PTPRD: variants seen among roughly 807,000 people sequenced by gnomAD.
The protein encoded by PTPRD is protein tyrosine phosphatase receptor type D, also known as receptor-type tyrosine-protein phosphatase delta.
Under a neutral mutation model 214.5 loss-of-function variants are expected in PTPRD, and 34 were observed. The ratio of observed to expected loss-of-function variants is 0.16; its 90% CI spans 0.12 to 0.21. PTPRD has a LOEUF of 0.21. PTPRD is among the 10% of genes least tolerant of loss of function. PTPRD has a pLI of 1.00. For missense variants in PTPRD, 2,545 were observed against 2,398.7 expected (o/e 1.06, Z -1.27); for synonymous variants, 1,128 against 845.7 (o/e 1.33, Z -5.79).
chr9:9,537,232 C>A (rs1403019134), intron 8 of PTPRD, among the ~76,000 whole-genome samples: 1 of 151,802 alleles, frequency 6.6e-6, no homozygotes, highest in African/African-American at 2.4e-5. Context: ...AAATAAGATT[C>A]TTTTCATTTT....
intron 44 of PTPRD, among the ~76,000 whole-genome samples, chr9:8,329,512 A>AGAGT (rs988880705): frequency 2.6e-5 from 4 of 152,052 alleles, no homozygotes; most frequent in Non-Finnish European, 4.4e-5. Context: ...ACTTGAGGAG[A>AGAGT]GAGTCTGTCC....
chr9:8,414,599 C>T (rs10977064), intron 35 of PTPRD, among the ~76,000 whole-genome samples: 25,889 of 151,636 alleles, frequency 0.17, 2,614 homozygotes, highest in Non-Finnish European at 0.22. Context: ...ATAAATATTC[C>T]AGAATGGAGC....
At chr9:10,178,596 A>G (rs1158268202) in intron 3 of PTPRD, among the ~76,000 whole-genome samples, 2 of 152,138 alleles carry the variant, frequency 1.3e-5, no homozygotes, top group East Asian at 1.9e-4. Context: ...AGAACAAACT[A>G]TTAAGTTGGA....
chr9:8,730,202 G>C (rs1004104640), intron 12 of PTPRD, among the ~76,000 whole-genome samples: 1 of 152,138 alleles, frequency 6.6e-6, no homozygotes, highest in African/African-American at 2.4e-5. Context: ...CTTGCACTGA[G>C]CCGAGATCGC....
chr9:9,682,326 A>G (rs1373157655), intron 7 of PTPRD, among the ~76,000 whole-genome samples: 1 of 151,664 alleles, frequency 6.6e-6, no homozygotes, highest in African/African-American at 2.4e-5. Flanking sequence ...CCAAAGATAC[A>G]CTATATTTTT....
At chr9:9,874,617 T>C (rs556300147) in intron 5 of PTPRD, among the ~76,000 whole-genome samples, 1 of 152,316 alleles carries the variant, frequency 6.6e-6, no homozygotes, top group Admixed American at 6.5e-5. Context: ...CCTCGTTCTC[T>C]TTTATCTCAA....
At chr9:9,627,966 C>T (rs2154357298) in intron 7 of PTPRD, among the ~76,000 whole-genome samples, 1 of 151,916 alleles carries the variant, frequency 6.6e-6, no homozygotes, top group East Asian at 1.9e-4. Flanking sequence ...TTAAGTGGCA[C>T]ATCAATGTAT....
chr9:9,298,906 T>C (rs1462631652), intron 9 of PTPRD, among the ~76,000 whole-genome samples: 1 of 151,838 alleles, frequency 6.6e-6, no homozygotes, highest in Non-Finnish European at 1.5e-5. Flanking sequence ...TTAAAAATGT[T>C]TCCATCACAA....
chr9:10,545,697 C>T (rs2060030687), intron 2 of PTPRD, among the ~76,000 whole-genome samples: 1 of 152,168 alleles, frequency 6.6e-6, no homozygotes, highest in East Asian at 1.9e-4. Flanking sequence ...AAAGGAAAAA[C>T]AGTTCTGTTG....
chr9:9,179,503 A>G (rs1205431995), intron 10 of PTPRD, among the ~76,000 whole-genome samples: 1 of 152,146 alleles, frequency 6.6e-6, no homozygotes, highest in Non-Finnish European at 1.5e-5. Context: ...GCTACGAACC[A>G]CTAGCTGAAG....
At chr9:10,081,844 G>T (rs910015544) in intron 3 of PTPRD, among the ~76,000 whole-genome samples, 1 of 152,032 alleles carries the variant, frequency 6.6e-6, no homozygotes, top group Non-Finnish European at 1.5e-5. Flanking sequence ...GAAAATAGCT[G>T]AGTGCTTATT....
intron 15 of PTPRD, 160 bp downstream of exon 15, chr9:8,528,431 C>T (rs748060864): frequency 1.4e-6 from 1 of 704,420 alleles, no homozygotes; most frequent in Non-Finnish European, 2.5e-6. Flanking sequence ...CAGGCTATGA[C>T]ATCACAAACA....
chr9:10,080,290 A>G (rs753610849), intron 3 of PTPRD, among the ~76,000 whole-genome samples: 1 of 152,102 alleles, frequency 6.6e-6, no homozygotes, highest in Middle Eastern at 3.2e-3. Flanking sequence ...CCAAAATAGA[A>G]ATAGAAATAA....
chr9:10,286,077 G>GT (rs879367480), intron 3 of PTPRD, among the ~76,000 whole-genome samples: 1 of 152,064 alleles, frequency 6.6e-6, no homozygotes, highest in Admixed American at 6.6e-5. Context: ...GTATGTTTGT[G>GT]TTAAATATAT....
intron 11 of PTPRD, among the ~76,000 whole-genome samples, chr9:8,788,950 A>T (rs1394511036): frequency 6.6e-6 from 1 of 152,202 alleles, no homozygotes; most frequent in Non-Finnish European, 1.5e-5. Context: ...ATGTCACATT[A>T]CTTTACATAA....
At chr9:8,570,043 C>T (rs1349826668) in intron 14 of PTPRD, among the ~76,000 whole-genome samples, 1 of 152,040 alleles carries the variant, frequency 6.6e-6, no homozygotes, top group Non-Finnish European at 1.5e-5. Flanking sequence ...AAGTAGATAT[C>T]AGCCACCATA....
intron 39 of PTPRD, among the ~76,000 whole-genome samples, chr9:8,355,033 A>G (rs2076617045): frequency 1.3e-5 from 2 of 152,244 alleles, no homozygotes; most frequent in South Asian, 4.2e-4. Context: ...TCCAAATCTC[A>G]TGTTGAGATA....
intron 2 of PTPRD, among the ~76,000 whole-genome samples, chr9:10,403,889 TA>T (rs1203358720): frequency 6.6e-6 from 1 of 151,608 alleles, no homozygotes. Flanking sequence ...TTTAGGGCAC[TA>T]AAAATACTCT....
intron 12 of PTPRD, among the ~76,000 whole-genome samples, chr9:8,675,400 T>A (rs1273396567): frequency 2.0e-5 from 3 of 151,762 alleles, no homozygotes; most frequent in Non-Finnish European, 4.4e-5. Flanking sequence ...TAGATGAGCT[T>A]CAACGTAAGT....
Sources: allele counts gnomAD v4.1 joint callset (sites outside exome capture counted in the v4.1 genomes callset), GRCh38; gene constraint gnomAD v4.1.1; transcripts MANE v1.5; gene names NCBI Gene and HGNC (gene_info 2026-07-23, HGNC 2026-07-21).